The following GLT8D2 variants were observed in gnomAD, a reference collection of about 807,000 sequenced individuals.
GLT8D2 encodes the protein glycosyltransferase 8 domain containing 2, also known as glycosyltransferase 8 domain-containing protein 2.
In GLT8D2, 45 loss-of-function variants were observed where a neutral mutation model predicts 44.5. The observed-to-expected ratio is 1.01, with a 90% confidence interval of 0.80 to 1.30. GLT8D2 has a LOEUF of 1.30. GLT8D2 is among the 50% of genes most tolerant of loss of function. GLT8D2 has a pLI of 0.00. For missense variants in GLT8D2, 400 were observed against 430.4 expected (o/e 0.93, Z 0.62); for synonymous variants, 156 against 157.2 (o/e 0.99, Z 0.06).
intron 1 of GLT8D2, among the ~76,000 whole-genome samples, chr12:104,048,575 G>T (rs911739003): frequency 7.1e-4 from 108 of 152,252 alleles, no homozygotes; most frequent in African/African-American, 2.4e-3. Context: ...GAAGCACAAA[G>T]AAGAAATAAT....
intron 4 of GLT8D2, among the ~76,000 whole-genome samples, chr12:104,012,192 AT>A (rs370861991): frequency 0.07 from 5,877 of 83,784 alleles, 238 homozygotes; most frequent in African/African-American, 0.17. Context: ...AAAAAAAAAT[AT>A]ATATATATAT....
intron 1 of GLT8D2, among the ~76,000 whole-genome samples, chr12:104,045,892 TAAGAAAGAAAG>T (rs1261898359): frequency 8.9e-6 from 1 of 112,028 alleles, no homozygotes; most frequent in Non-Finnish European, 1.8e-5. Context: ...AAAAGAAAGA[TAAGAAAGAAAG>T]AAAGAAAGAA....
Position 104,012,198 on chromosome 12 carries a change from A to ATG in GLT8D2, c.112+2814_112+2815insCA, listed in dbSNP as rs1371362843. On this transcript the variant is annotated intron_variant, in intron 4 of 10. Transcript: ENST00000360814. ...AAAAAAAAAAAAAAAAAATATATAT[A>ATG]TATATATATATATACCTTAAACACT... Among the ~76,000 whole-genome samples the ATG allele has an allele frequency of 7.2e-5, 10 of 138,834 alleles. No individual in the cohort carries two copies. In the South Asian group the frequency reaches 1.4e-3, roughly 19 times the overall value. 91.1% of individuals were successfully genotyped at this position (138,834 alleles called of 152,430 possible).
At chr12:104,052,118 T>C (rs1881780235), upstream of GLT8D2, among the ~76,000 whole-genome samples, 1 of 152,200 alleles carries the variant, frequency 6.6e-6, no homozygotes, top group Non-Finnish European at 1.5e-5. Context: ...TTAAAATTAG[T>C]TACAGTTAAA....
intron 1 of GLT8D2, among the ~76,000 whole-genome samples, chr12:104,033,172 G>A (rs775740434): frequency 1.6e-4 from 25 of 152,064 alleles, no homozygotes; most frequent in South Asian, 4.1e-4. Flanking sequence ...GTGAGCCACC[G>A]CACCCAGCCC....
At chr12:103,991,823 TAAAAAAAAAAA>T (rs11340919) in intron 10 of GLT8D2, among the ~76,000 whole-genome samples, 3 of 123,202 alleles carry the variant, frequency 2.4e-5, no homozygotes, top group Admixed American at 8.8e-5. Context: ...TTACGTCCTT[TAAAAAAAAAAA>T]AAAAAAAAAA....
Position 104,014,979 on chromosome 12 carries a change from G to A in GLT8D2, c.112+34C>T, listed in dbSNP as rs768352745. The A allele has an allele frequency of 1.2e-5, 18 of 1,454,472 alleles. No individual in the cohort carries two copies. In the South Asian group the frequency reaches 2.1e-4, roughly 17 times the overall value. 90.1% of individuals were successfully genotyped at this position (1,454,472 alleles called of 1,614,324 possible). A position where few individuals can be genotyped will look rare whatever the true frequency, so the allele number is the denominator to read the frequency against. On this transcript the variant is annotated intron_variant, in intron 4 of 10. Transcript: ENST00000360814. ...GAACATATTCAAACCACATTCCTGG[G>A]TATCCCAACTCAATGAATTCCATGT...
At chr12:104,017,471 C>T (rs879430715) in intron 3 of GLT8D2, among the ~76,000 whole-genome samples, 1 of 152,024 alleles carries the variant, frequency 6.6e-6, no homozygotes, top group Non-Finnish European at 1.5e-5. Context: ...TACAGGCCCC[C>T]ACCACCATGC....
intron 1 of GLT8D2, among the ~76,000 whole-genome samples, chr12:104,060,629 AAGAGG>A (rs1882564999): frequency 6.6e-6 from 1 of 152,224 alleles, no homozygotes; most frequent in South Asian, 2.1e-4. Context: ...AATTTATAAT[AAGAGG>A]AGAAGAGGCT....
intron 1 of GLT8D2, among the ~76,000 whole-genome samples, chr12:104,039,829 T>C (rs1175713885): frequency 6.6e-6 from 1 of 152,104 alleles, no homozygotes; most frequent in East Asian, 1.9e-4. Flanking sequence ...TCATGCTGCT[T>C]TAAAGACACA....
chr12:104,013,892 C>A (rs577382583), intron 4 of GLT8D2, among the ~76,000 whole-genome samples: 2 of 152,256 alleles, frequency 1.3e-5, no homozygotes, highest in African/African-American at 4.8e-5. Context: ...AGGCATGCCC[C>A]ACCATGCCCA....
At chr12:104,033,786 GTA>G (rs1434860144) in intron 1 of GLT8D2, among the ~76,000 whole-genome samples, 5 of 130,474 alleles carry the variant, frequency 3.8e-5, no homozygotes, top group South Asian at 2.5e-4. Context: ...GTGTGTGTGT[GTA>G]TATATGTGTG....
intron 10 of GLT8D2, among the ~76,000 whole-genome samples, chr12:103,991,378 G>T (rs1402194402): frequency 6.6e-6 from 1 of 152,054 alleles, no homozygotes; most frequent in Non-Finnish European, 1.5e-5. Flanking sequence ...AGTAGAGATG[G>T]GGTTTCACCA....
At chr12:104,014,716 A>G (rs1876328079) in intron 4 of GLT8D2, among the ~76,000 whole-genome samples, 1 of 152,172 alleles carries the variant, frequency 6.6e-6, no homozygotes, top group African/African-American at 2.4e-5. Flanking sequence ...GCTTATCGGA[A>G]ATGCAAGTCT....
At chr12:103,999,710 A>G (rs1350173337) in intron 5 of GLT8D2, among the ~76,000 whole-genome samples, 196 bp from the exon 6 acceptor site, 3 of 152,118 alleles carry the variant, frequency 2.0e-5, no homozygotes, top group East Asian at 1.9e-4. Context: ...TTTCCCCTCA[A>G]TCACGTAACT....
intron 3 of GLT8D2, among the ~76,000 whole-genome samples, chr12:104,019,139 T>A (rs2466374): frequency 1.3e-5 from 1 of 77,710 alleles, no homozygotes; most frequent in Non-Finnish European, 2.6e-5. Context: ...TTTTTTTTTG[T>A]GTGTTTGAGA....
At chr12:104,022,470 T>C (rs1878025993) in intron 1 of GLT8D2, among the ~76,000 whole-genome samples, 1 of 152,172 alleles carries the variant, frequency 6.6e-6, no homozygotes, top group African/African-American at 2.4e-5. Context: ...TTAAAAGGCC[T>C]TTTTGTCTCT....
At chr12:104,064,388 C>T (rs560331259), upstream of GLT8D2, 7 of 547,116 alleles carry the variant, frequency 1.3e-5, 1 homozygote, top group South Asian at 2.9e-4. This position sits in a 1 kb window ranked among gnomAD's most constrained non-coding sequence, Gnocchi z 7.3. Flanking sequence ...GCTCCCCTGT[C>T]AGGACCCCCC....
intron 5 of GLT8D2, among the ~76,000 whole-genome samples, chr12:104,000,217 C>T (rs1303388260): frequency 6.6e-6 from 1 of 151,754 alleles, no homozygotes; most frequent in Non-Finnish European, 1.5e-5. Context: ...TTTAGATCTG[C>T]AAAATCTGAA....
Sources: allele counts gnomAD v4.1 joint callset (sites outside exome capture counted in the v4.1 genomes callset), GRCh38; gene constraint gnomAD v4.1.1; non-coding constraint Gnocchi (gnomAD v3.1); transcripts MANE v1.5; gene names NCBI Gene and HGNC (gene_info 2026-07-23, HGNC 2026-07-21).